SLC66A2: variants seen among roughly 807,000 people sequenced by gnomAD.
SLC66A2 encodes the protein solute carrier family 66 member 2, also known as PQ loop repeat containing 1.
A neutral mutation model predicts 25.5 loss-of-function variants in SLC66A2; 23 were observed. The ratio of observed to expected loss-of-function variants is 0.90; its 90% CI spans 0.65 to 1.28. The LOEUF is 1.28. SLC66A2 is among the 50% of genes most tolerant of loss of function. The pLI is 0.00. For synonymous variants in SLC66A2, 193 were observed against 166.5 expected, an observed-to-expected ratio of 1.16 and a Z score of -1.23; for missense variants, 396 against 373.1, an observed-to-expected ratio of 1.06 and a Z score of -0.51.
chr18:79,950,625 G>A, intron 2 of SLC66A2, 99 bp downstream of exon 2: 3 of 1,149,808 alleles, frequency 2.6e-6, no homozygotes, highest in Admixed American at 1.9e-5. Flanking sequence ...GCCCAGCAGG[G>A]AGGTGTGGAC....
chr18:79,907,982 C>T (rs987595579), intron 5 of SLC66A2, among the ~76,000 whole-genome samples: 6 of 152,122 alleles, frequency 3.9e-5, no homozygotes, highest in African/African-American at 1.4e-4. Context: ...AAGTGGAATG[C>T]AGAAGTCTTA....
At chr18:79,948,681 TG>T (rs1294574793) in intron 2 of SLC66A2, among the ~76,000 whole-genome samples, 4 of 152,288 alleles carry the variant, frequency 2.6e-5, no homozygotes, top group Admixed American at 6.5e-5. Context: ...ATGAGCATAC[TG>T]GGGAGGGAAA....
At chr18:79,946,388 T>C (rs1308296531) in intron 2 of SLC66A2, among the ~76,000 whole-genome samples, 2 of 152,274 alleles carry the variant, frequency 1.3e-5, no homozygotes, top group Non-Finnish European at 2.9e-5. Context: ...TAACTTTTTC[T>C]TCCTTTAGTG....
At chr18:79,924,501 G>C (rs1985691434) in intron 4 of SLC66A2, among the ~76,000 whole-genome samples, 1 of 152,228 alleles carries the variant, frequency 6.6e-6, no homozygotes, top group South Asian at 2.1e-4. Flanking sequence ...TAATGAGACA[G>C]TGGTGATGGC....
At position 79,948,111 on chromosome 18, in the gene SLC66A2, C is replaced by G. The variant is rs532439425; in HGVS notation, c.203+2613G>C. 1.4e-3 allele frequency among the ~76,000 whole-genome samples: 219 copies of G among 152,292 alleles called. 1 individual carries two copies. Among genetic ancestry groups the G allele is most frequent in the African/African-American group, 5.0e-3 (207 of 41,548 alleles). On this transcript the variant is annotated intron_variant, in intron 2 of 5. Transcript: ENST00000397778. ...GAAGCCATGCATGACCAGGACAGCC[C>G]AGGATGTTGATTCTATGAAGAGACC...
chr18:79,940,379 G>C lies in SLC66A2; in HGVS notation c.337+2950C>G, dbSNP rs886092387. ...GCACTTCGGGAGGCCAAGGTGGGTG[G>C]ATCACTTGAGGTCAGGAGTTCAGGA... On this transcript the variant is annotated intron_variant, in intron 3 of 5. Coordinates refer to ENST00000397778, the MANE Select transcript of SLC66A2 (RefSeq NM_025078.5). This position sits in a 1 kb window ranked among gnomAD's most constrained non-coding sequence, Gnocchi z 4.1. 6.6e-6 allele frequency among the ~76,000 whole-genome samples: 1 copy of C among 152,062 alleles called. No homozygotes were observed. The highest frequency in any genetic ancestry group is 2.4e-5 in the African/African-American group (1 of 41,394).
chr18:79,951,219 G>A (rs1278447936), intron 1 of SLC66A2, among the ~76,000 whole-genome samples, 194 bp from the exon 2 acceptor site: 2 of 151,796 alleles, frequency 1.3e-5, no homozygotes, highest in Admixed American at 1.3e-4. Flanking sequence ...GAGGGGGCTG[G>A]GGAGGGGTCC....
rs1987636691 is a variant in SLC66A2 at position 79,941,213 on chromosome 18, G to A, written c.337+2116C>T. Among the ~76,000 whole-genome samples, 1 of 152,192 alleles carries A rather than the reference G, an allele frequency of 6.6e-6. No homozygotes were observed. The highest frequency in any genetic ancestry group is 1.5e-5 in the Non-Finnish European group (1 of 68,040). ...CAGAACTCAGCTCCCCGTGGTCGGGGGCTCTGCTGCCTGTAAAGCGACGGC... is the reference window on the plus strand; with the variant it reads ...CAGAACTCAGCTCCCCGTGGTCGGGAGCTCTGCTGCCTGTAAAGCGACGGC... On this transcript the variant is annotated intron_variant, in intron 3 of 5. Coordinates refer to ENST00000397778, the MANE Select transcript of SLC66A2 (RefSeq NM_025078.5). The surrounding 1 kb of genome is among the most constrained non-coding windows in gnomAD (Gnocchi z 4.1).
rs1317754187 is a variant in SLC66A2 at position 79,904,095 on chromosome 18, A to G, written c.697T>C (p.Cys233Arg). 6.2e-7 allele frequency: 1 copy of G among 1,612,840 alleles called. No individual in the cohort carries two copies. Among genetic ancestry groups the G allele is most frequent in the Non-Finnish European group, 8.5e-7 (1 of 1,179,764 alleles). The change falls in exon 6 of 6, where the codon TGC becomes CGC. Residue 233 changes from cysteine to arginine, a missense_variant. Physicochemically the swap from Cys to Arg is radical, Grantham distance 180. Transcript: ENST00000397778. This position sits in a 1 kb window ranked among gnomAD's most constrained non-coding sequence, Gnocchi z 6.3. ...LKGAPLQFSVCGLLQVLVDLA... is the reference protein window; with the variant it reads ...LKGAPLQFSVRGLLQVLVDLA... ...TCCACCAGCACCTGCAGCAGGCCGC[A>G]CACGGAGAACTGCAGAGGGGCACCC...
intron 5 of SLC66A2, 66 bp downstream of exon 5, chr18:79,919,118 A>C (rs1304437924): frequency 5.6e-6 from 8 of 1,416,104 alleles, no homozygotes; most frequent in Non-Finnish European, 7.9e-6. Context: ...TTTGATTTTT[A>C]CCAAATCTGC....
At chr18:79,932,059 AATT>A (rs1986621279) in intron 4 of SLC66A2, among the ~76,000 whole-genome samples, 1 of 152,232 alleles carries the variant, frequency 6.6e-6, no homozygotes, top group Non-Finnish European at 1.5e-5. Context: ...TATATTCTAC[AATT>A]ATAATGGAAA....
chr18:79,908,492 C>G (rs1309055880), intron 5 of SLC66A2, among the ~76,000 whole-genome samples: 1 of 152,106 alleles, frequency 6.6e-6, no homozygotes, highest in Non-Finnish European at 1.5e-5. Flanking sequence ...TTGATTCTTA[C>G]CAGTTTGATT....
chr18:79,926,557 G>GT (rs1985977234), intron 4 of SLC66A2, among the ~76,000 whole-genome samples: 1 of 152,118 alleles, frequency 6.6e-6, no homozygotes, highest in South Asian at 2.1e-4. Context: ...TGGCATCTCG[G>GT]TAACGCCAAG....
rs544947718 is a variant in SLC66A2 at position 79,904,773 on chromosome 18, C to G, written c.609-590G>C. Among the ~76,000 whole-genome samples, 1 of 152,294 alleles carries G rather than the reference C, an allele frequency of 6.6e-6. No individual in the cohort carries two copies. Among genetic ancestry groups the G allele is most frequent in the South Asian group, 2.1e-4 (1 of 4,828 alleles). On this transcript the variant is annotated intron_variant, in intron 5 of 5. Coordinates refer to ENST00000397778, the MANE Select transcript of SLC66A2 (RefSeq NM_025078.5). This position sits in a 1 kb window ranked among gnomAD's most constrained non-coding sequence, Gnocchi z 6.3. ...AGCAGCCGCCACCCACCATCCCAGT[C>G]CGAACACGCTTCCCCCACCGCTGTG...
intron 3 of SLC66A2, among the ~76,000 whole-genome samples, chr18:79,942,428 G>A (rs1206861687): frequency 6.6e-6 from 1 of 152,158 alleles, no homozygotes; most frequent in Non-Finnish European, 1.5e-5. Context: ...CAGACAAAAA[G>A]GCAGAGGTGG....
chr18:79,950,606 G>A lies in SLC66A2; in HGVS notation c.203+118C>T. The A allele has an allele frequency of 4.3e-6, 4 of 924,836 alleles. No individual in the cohort carries two copies. The South Asian group carries it at 5.9e-5, about 14-fold the overall frequency. 57.3% of individuals were successfully genotyped at this position (924,836 alleles called of 1,614,324 possible). On this transcript the variant is annotated intron_variant, in intron 2 of 5. Transcript: ENST00000397778. ...CCACGTACCCCATCCACGGCAGAGTGGGACGCTGGCCCAGCAGGGAGGTGT... is the reference window on the plus strand; with the variant it reads ...CCACGTACCCCATCCACGGCAGAGTAGGACGCTGGCCCAGCAGGGAGGTGT...
At chr18:79,925,209 C>T (rs1985792521) in intron 4 of SLC66A2, among the ~76,000 whole-genome samples, 1 of 152,152 alleles carries the variant, frequency 6.6e-6, no homozygotes, top group Non-Finnish European at 1.5e-5. Context: ...GAGGGGAGGG[C>T]ACCCCCCTTT....
chr18:79,938,360 T>G (rs1987319854), intron 3 of SLC66A2, among the ~76,000 whole-genome samples: 1 of 152,118 alleles, frequency 6.6e-6, no homozygotes, highest in Non-Finnish European at 1.5e-5. Context: ...AGCCATGGCC[T>G]GGCCGAAGAG....
At chr18:79,933,859 A>C in intron 4 of SLC66A2, 110 bp downstream of exon 4, 3 of 939,706 alleles carry the variant, frequency 3.2e-6, no homozygotes, top group Non-Finnish European at 5.0e-6. Flanking sequence ...CACGCTTGGT[A>C]AAGATGACGC....
Sources: allele counts gnomAD v4.1 joint callset (sites outside exome capture counted in the v4.1 genomes callset), GRCh38; gene constraint gnomAD v4.1.1; non-coding constraint Gnocchi (gnomAD v3.1); transcripts MANE v1.5; gene names NCBI Gene and HGNC (gene_info 2026-07-23, HGNC 2026-07-21).